Variants in TIMM23B observed in about 807,000 individuals in gnomAD.
TIMM23B encodes translocase of inner mitochondrial membrane 23 homolog B.
In TIMM23B, 27 loss-of-function variants were observed where a neutral mutation model predicts 27.3. The ratio of observed to expected loss-of-function variants is 0.99; its 90% CI spans 0.73 to 1.36. The LOEUF (loss-of-function observed/expected upper bound fraction) is 1.36. TIMM23B is among the 40% of genes most tolerant of loss of function. The pLI, the probability that TIMM23B is intolerant of heterozygous loss-of-function variation, is 0.00. For missense variants in TIMM23B, 205 were observed against 244.2 expected (o/e 0.84, Z 1.07); for synonymous variants, 73 against 92.4 (o/e 0.79, Z 1.21).
intron 6 of TIMM23B, among the ~76,000 whole-genome samples, chr10:49,968,642 G>A (rs1383418504): frequency 3.3e-5 from 5 of 152,158 alleles, no homozygotes; most frequent in Non-Finnish European, 7.3e-5. Context: ...AGACCATCCT[G>A]GCTAACACAG....
intron 6 of TIMM23B, among the ~76,000 whole-genome samples, chr10:49,970,977 GT>G (rs1189763379): frequency 6.6e-6 from 1 of 152,216 alleles, no homozygotes; most frequent in Non-Finnish European, 1.5e-5. Context: ...ATTTCGTTCT[GT>G]ACTAAGAAAA....
chr10:49,951,450 T>G (rs2133062193), intron 2 of TIMM23B, among the ~76,000 whole-genome samples: 1 of 152,200 alleles, frequency 6.6e-6, no homozygotes, highest in Non-Finnish European at 1.5e-5. Flanking sequence ...TTTGAGTGTG[T>G]TTTTCATAAA....
rs1840572342 is a variant in TIMM23B, at chr10:49,974,282, C to G, written c.*1218C>G. ...TTGTCTCATAAATCTAAACCATCAA[C>G]CTGCTTATTTTTGTATACTGTCACA... On this transcript the variant is annotated 3_prime_UTR_variant, in exon 7 of 7. Transcript: ENST00000651259. The G allele has an allele frequency of 6.6e-6, 1 of 150,660 alleles. No homozygotes were observed. Among genetic ancestry groups the G allele is most frequent in the African/African-American group, 2.5e-5 (1 of 40,506 alleles). The allele number at this position is 150,660 out of a possible 1,614,324, so 9.3% of individuals were successfully genotyped here.
intron 1 of TIMM23B, among the ~76,000 whole-genome samples, chr10:49,942,608 A>AAC (rs1839163525): frequency 6.6e-6 from 1 of 152,124 alleles, no homozygotes; most frequent in African/African-American, 2.4e-5. Context: ...ATTGACCCTT[A>AAC]AGAGTAGAGC....
At chr10:49,948,280 G>T (rs1839416010) in intron 2 of TIMM23B, among the ~76,000 whole-genome samples, 3 of 152,146 alleles carry the variant, frequency 2.0e-5, no homozygotes. Flanking sequence ...AATGTAAAAT[G>T]ATACAGCTGC....
At chr10:49,962,914 A>C in intron 6 of TIMM23B, among the ~76,000 whole-genome samples, 1 of 142,218 alleles carries the variant, frequency 7.0e-6, no homozygotes, top group African/African-American at 2.5e-5. Flanking sequence ...TTTTTGAGAC[A>C]GAGTTTCACT....
chr10:49,960,586 C>T (rs2133083738), intron 6 of TIMM23B, among the ~76,000 whole-genome samples: 2 of 151,966 alleles, frequency 1.3e-5, no homozygotes, highest in Non-Finnish European at 2.9e-5. Flanking sequence ...GTTTTATAGA[C>T]AAAGAAACTA....
At chr10:49,947,777 A>G (rs1839401033) in intron 2 of TIMM23B, among the ~76,000 whole-genome samples, 2 of 152,080 alleles carry the variant, frequency 1.3e-5, no homozygotes, top group African/African-American at 4.8e-5. Flanking sequence ...AAAAAATACA[A>G]AAATTAGCGG....
intron 5 of TIMM23B, 86 bp downstream of exon 5, chr10:49,955,146 C>T: frequency 7.2e-7 from 1 of 1,381,448 alleles, no homozygotes. Flanking sequence ...AACCCATATT[C>T]TGGTCCTAGG....
chr10:49,961,067 T>G (rs1240394923), intron 6 of TIMM23B, among the ~76,000 whole-genome samples: 1 of 151,828 alleles, frequency 6.6e-6, no homozygotes, highest in Non-Finnish European at 1.5e-5. Flanking sequence ...GAAGAGATGG[T>G]AAGGAAAAGG....
chr10:49,952,460 G>T lies in TIMM23B; in HGVS notation c.271G>T (p.Gly91Trp). ...TTATGATTTACCAGGGGCTGCGTTT[G>T]GGGCAATGAATGGTCTTCGGCTAGG... ...GGCCMTGAAFGAMNGLRLGLK... is the reference protein window; with the variant it reads ...GGCCMTGAAFWAMNGLRLGLK... The change falls in exon 4 of 7, where the codon GGG becomes TGG. Residue 91 changes from glycine to tryptophan, a missense_variant. Gly to Trp is a radical substitution (Grantham distance 184). Coordinates refer to ENST00000651259, the MANE Select transcript of TIMM23B (RefSeq NM_001290117.2). 1 of 1,613,308 alleles carries T rather than the reference G, an allele frequency of 6.2e-7. No homozygotes were observed. Among genetic ancestry groups the T allele is most frequent in the East Asian group, 2.2e-5 (1 of 44,866 alleles).
At chr10:49,970,624 G>A (rs1316648851) in intron 6 of TIMM23B, among the ~76,000 whole-genome samples, 1 of 140,326 alleles carries the variant, frequency 7.1e-6, no homozygotes, top group East Asian at 2.2e-4. Flanking sequence ...AGGTGGGGGG[G>A]CAGCCCCCGC....
chr10:49,947,378 C>T (rs1240482040), intron 2 of TIMM23B, among the ~76,000 whole-genome samples: 19 of 152,038 alleles, frequency 1.2e-4, no homozygotes, highest in African/African-American at 2.9e-4. Flanking sequence ...GAGGCTGAGG[C>T]GGGTGGATCA....
In TIMM23B at chr10:49,952,464, C is replaced by T; in HGVS notation, c.275C>T (p.Ala92Val). ...GATTTACCAGGGGCTGCGTTTGGGG[C>T]AATGAATGGTCTTCGGCTAGGATTG... Reference protein sequence around the residue: ...GCCMTGAAFGAMNGLRLGLKE... With the variant: ...GCCMTGAAFGVMNGLRLGLKE... Residue 92 changes from alanine to valine, a missense_variant, in exon 4 of 7, where the codon GCA becomes GTA. By Grantham distance (64) the Ala-to-Val change is moderately conservative. Coordinates refer to ENST00000651259, the MANE Select transcript of TIMM23B (RefSeq NM_001290117.2). 6.2e-7 allele frequency: 1 copy of T among 1,613,010 alleles called. No individual in the cohort carries two copies. Among genetic ancestry groups the T allele is most frequent in the South Asian group, 1.1e-5 (1 of 91,006 alleles).
rs1839136818 is a variant in TIMM23B at position 49,942,257 on chromosome 10, C to G, written c.63C>G (p.Ala21=). The change falls in exon 1 of 7, where the codon GCC becomes GCG. Residue 21 remains alanine, a synonymous_variant. Coordinates refer to ENST00000651259, the MANE Select transcript of TIMM23B (RefSeq NM_001290117.2). Reference sequence around the variant, plus strand: ...GGGTATTGGCCGGCTTTTTCGGAGCCGGCGAAGCAGGTTACTCGCACGCGG... The same window carrying G: ...GGGTATTGGCCGGCTTTTTCGGAGCGGGCGAAGCAGGTTACTCGCACGCGG... ...TTGVLAGFFG[A]GEAGYSHADL... is the part of the protein sequence containing the mutation. The G allele has an allele frequency of 6.2e-7, 1 of 1,612,694 alleles. No individual in the cohort carries two copies. The highest frequency in any genetic ancestry group is 1.7e-5 in the Admixed American group (1 of 59,906).
At chr10:49,950,492 G>T (rs1248373182) in intron 2 of TIMM23B, among the ~76,000 whole-genome samples, 2,750 of 144,918 alleles carry the variant, frequency 0.019, 93 homozygotes, top group African/African-American at 0.066. Flanking sequence ...GTGCACTTTT[G>T]CTTGCTTGAT....
chr10:49,959,798 G>A (rs1281162715), intron 6 of TIMM23B, among the ~76,000 whole-genome samples: 1 of 151,806 alleles, frequency 6.6e-6, no homozygotes, highest in East Asian at 1.9e-4. Context: ...ACCCAGGCTG[G>A]AGTGCAGTGG....
At chr10:49,960,023 C>T (rs1839845759) in intron 6 of TIMM23B, among the ~76,000 whole-genome samples, 1 of 150,666 alleles carries the variant, frequency 6.6e-6, no homozygotes, top group Non-Finnish European at 1.5e-5. Context: ...GCTAGGATTA[C>T]AGGCGTGAGC....
intron 6 of TIMM23B, among the ~76,000 whole-genome samples, chr10:49,972,035 A>G (rs1840473786): frequency 6.6e-6 from 1 of 152,254 alleles, no homozygotes; most frequent in Non-Finnish European, 1.5e-5. Context: ...TAAGCTGAAT[A>G]AACATTTGGT....
Sources: gnomAD v4.1 joint callset for allele counts (sites outside exome capture counted in the v4.1 genomes callset) on GRCh38, gnomAD v4.1.1 for gene constraint, MANE v1.5 for transcripts, NCBI Gene and HGNC (gene_info 2026-07-23, HGNC 2026-07-21) for gene names.